The following MMP20 variants were observed in gnomAD, a reference collection of about 807,000 sequenced individuals.
MMP20 encodes matrix metalloproteinase-20.
Under a neutral mutation model 51.8 loss-of-function variants are expected in MMP20, and 50 were observed. The observed-to-expected ratio is 0.97, with a 90% CI of 0.77 to 1.22. The LOEUF is 1.22. Ranked by LOEUF, MMP20 falls within the 50% of genes most tolerant of loss-of-function variation. The probability of loss-of-function intolerance (pLI) is 0.00; values close to 1 mark genes in which losing one functional copy is unlikely to be tolerated. For missense variants in MMP20, 663 were observed against 601.4 expected, an observed-to-expected ratio of 1.10 and a Z score of -1.07; for synonymous variants, 244 against 216.2, an observed-to-expected ratio of 1.13 and a Z score of -1.13.
Position 102,593,586 on chromosome 11 carries a change from T to C in MMP20, c.1100A>G (p.Tyr367Cys), listed in dbSNP as rs768145286. The C allele has an allele frequency of 6.8e-6, 11 of 1,613,968 alleles. No homozygotes were observed. In the South Asian group the frequency reaches 1.2e-4, roughly 18 times the overall value. Reference sequence around the variant, plus strand: ...CATTTGGAATCCTCTTGTTATCCAGTAGTGGGGACCTGAAAACAGAAATTA... The same window carrying C: ...CATTTGGAATCCTCTTGTTATCCAGCAGTGGGGACCTGAAAACAGAAATTA... ...GTAYFFKGPH[Y>C]WITRGFQMQG... is the part of the protein sequence containing the mutation. The change falls in exon 8 of 10, where the codon TAC (tyrosine) becomes TGC (cysteine). Residue 367 changes from tyrosine to cysteine, a missense_variant. Physicochemically the swap from Tyr to Cys is radical, Grantham distance 194. Coordinates refer to ENST00000260228, the MANE Select transcript of MMP20 (RefSeq NM_004771.4).
intron 8 of MMP20, among the ~76,000 whole-genome samples, chr11:102,589,815 C>T (rs1859296878): frequency 6.6e-6 from 1 of 152,092 alleles, no homozygotes; most frequent in Admixed American, 6.5e-5. Context: ...CATGAAAAAA[C>T]AAGATTTTTG....
At chr11:102,617,245 TGGTTTTG>T (rs1859686771) in intron 1 of MMP20, among the ~76,000 whole-genome samples, 186 bp from the exon 2 acceptor site, 1 of 152,240 alleles carries the variant, frequency 6.6e-6, no homozygotes, top group Non-Finnish European at 1.5e-5. Context: ...TAACGATGAT[TGGTTTTG>T]GGTAGTGGGG....
At chr11:102,601,634 C>T (rs184686457) in intron 6 of MMP20, among the ~76,000 whole-genome samples, 1 of 152,304 alleles carries the variant, frequency 6.6e-6, no homozygotes, top group East Asian at 1.9e-4. Flanking sequence ...CAACTGTGAC[C>T]TCTTCCCTGA....
At chr11:102,598,775 A>G (rs1417925198) in intron 6 of MMP20, among the ~76,000 whole-genome samples, 1 of 152,056 alleles carries the variant, frequency 6.6e-6, no homozygotes. Flanking sequence ...CATGTTGTTG[A>G]GCCTTAAAGG....
chr11:102,588,324 A>G (rs1289805533), intron 8 of MMP20, among the ~76,000 whole-genome samples: 1 of 151,968 alleles, frequency 6.6e-6, no homozygotes. Flanking sequence ...TATAATTATT[A>G]TTTTATATAA....
intron 8 of MMP20, 29 bp downstream of exon 8, chr11:102,593,410 A>G (rs766812216): frequency 1.2e-6 from 2 of 1,602,780 alleles, no homozygotes; most frequent in Non-Finnish European, 1.7e-6. Flanking sequence ...TTAAATAAAG[A>G]TAGATAGTAA....
chr11:102,593,499 G>A lies in MMP20; in HGVS notation c.1187C>T (p.Ala396Val). ...CTGTGGCTCCCTGAGGTAGACAGCAGCATCTATTTGCTGCACGTGCCTTGG... is the reference window on the plus strand; with the variant it reads ...CTGTGGCTCCCTGAGGTAGACAGCAACATCTATTTGCTGCACGTGCCTTGG... Reference protein sequence around the residue: ...GFPRHVQQIDAAVYLREPQKT... With the variant: ...GFPRHVQQIDVAVYLREPQKT... Residue 396 changes from alanine to valine, a missense_variant, in exon 8 of 10, where the codon GCT becomes GTT. Coordinates refer to ENST00000260228, the MANE Select transcript of MMP20 (RefSeq NM_004771.4). 1 of 1,614,162 alleles carries A rather than the reference G, an allele frequency of 6.2e-7. No homozygotes were observed. The highest frequency in any genetic ancestry group is 8.5e-7 in the Non-Finnish European group (1 of 1,179,994).
intron 6 of MMP20, chr11:102,605,483 G>A (rs1031565963): frequency 6.6e-6 from 1 of 151,604 alleles, no homozygotes; most frequent in Non-Finnish European, 1.5e-5. Flanking sequence ...ATCCCCAAAA[G>A]CATACAAGAT....
chr11:102,612,326 G>T (rs187176326), intron 2 of MMP20, among the ~76,000 whole-genome samples: 2 of 152,198 alleles, frequency 1.3e-5, no homozygotes, highest in East Asian at 3.9e-4. Context: ...TTAGCTGGGC[G>T]TGGTGGTGCA....
At chr11:102,589,616 G>A (rs1202898184) in intron 8 of MMP20, among the ~76,000 whole-genome samples, 4 of 152,106 alleles carry the variant, frequency 2.6e-5, no homozygotes, top group Non-Finnish European at 5.9e-5. Context: ...ACAGAAAGGT[G>A]ATCCAAATTG....
At chr11:102,608,541 G>C (rs1264749849) in intron 5 of MMP20, among the ~76,000 whole-genome samples, 1 of 152,168 alleles carries the variant, frequency 6.6e-6, no homozygotes, top group Non-Finnish European at 1.5e-5. Context: ...ACATGACTGG[G>C]TGCAGAGTTA....
intron 2 of MMP20, among the ~76,000 whole-genome samples, chr11:102,613,851 A>G (rs1859633580): frequency 6.6e-6 from 1 of 152,206 alleles, no homozygotes; most frequent in Non-Finnish European, 1.5e-5. Flanking sequence ...TGAGTCTGCA[A>G]TTTATCACAA....
intron 8 of MMP20, among the ~76,000 whole-genome samples, chr11:102,592,939 G>C (rs1426608692): frequency 2.0e-5 from 3 of 152,202 alleles, no homozygotes; most frequent in African/African-American, 7.2e-5. Context: ...TTTTCCTTTG[G>C]ATAAGAAGGA....
chr11:102,594,501 A>T, intron 7 of MMP20, 120 bp downstream of exon 7: 3 of 1,326,046 alleles, frequency 2.3e-6, no homozygotes, highest in Non-Finnish European at 3.2e-6. Flanking sequence ...CAACCTGAGG[A>T]CAAAGAGCAA....
chr11:102,579,271 C>A, intron 8 of MMP20, 129 bp from the exon 9 acceptor site: 1 of 661,562 alleles, frequency 1.5e-6, no homozygotes, highest in Non-Finnish European at 2.7e-6. Flanking sequence ...GTTTCACATA[C>A]ACATACACAT....
intron 1 of MMP20, among the ~76,000 whole-genome samples, chr11:102,624,165 G>A (rs577121911): frequency 2.0e-5 from 3 of 152,288 alleles, no homozygotes; most frequent in Admixed American, 6.5e-5. Context: ...TCAGCTCTAC[G>A]ATGCAGACAG....
At chr11:102,614,166 T>TGAAC (rs1859638143) in intron 2 of MMP20, among the ~76,000 whole-genome samples, 1 of 152,254 alleles carries the variant, frequency 6.6e-6, no homozygotes, top group African/African-American at 2.4e-5. Flanking sequence ...ATCTACATGT[T>TGAAC]ATGATTAGTC....
At chr11:102,621,455 G>GTGGTT (rs1404630578) in intron 1 of MMP20, among the ~76,000 whole-genome samples, 2 of 152,182 alleles carry the variant, frequency 1.3e-5, no homozygotes, top group Admixed American at 1.3e-4. Flanking sequence ...TTAATTTCTT[G>GTGGTT]TGGTTTCAGT....
chr11:102,584,499 A>T (rs562093716), intron 8 of MMP20, among the ~76,000 whole-genome samples: 9 of 152,294 alleles, frequency 5.9e-5, no homozygotes, highest in South Asian at 2.1e-4. Context: ...TTAATTGAAT[A>T]GTCGTTTATA....
Sources: gnomAD v4.1 joint callset for allele counts (sites outside exome capture counted in the v4.1 genomes callset) on GRCh38, gnomAD v4.1.1 for gene constraint, MANE v1.5 for transcripts, NCBI Gene and HGNC (gene_info 2026-07-23, HGNC 2026-07-21) for gene names.